DRC8: variants seen among roughly 807,000 people sequenced by gnomAD.
The protein encoded by DRC8 is dynein regulatory complex protein 8.
chr1:244,980,206 G>A, the DRC8 span, among the ~76,000 whole-genome samples: 2 of 141,056 alleles, frequency 1.4e-5, no homozygotes, highest in African/African-American at 2.7e-5. Context: ...GCAACACAGC[G>A]AGACTCCGTC....
the DRC8 span, among the ~76,000 whole-genome samples, chr1:245,099,829 C>CAT: frequency 1 from 152,270 of 152,300 alleles, 76,120 homozygotes; most frequent in Middle Eastern, 1. Flanking sequence ...CTACAATACA[C>CAT]GTTTTTGTAA....
the DRC8 span, among the ~76,000 whole-genome samples, chr1:244,982,808 G>A: frequency 6.6e-6 from 1 of 150,972 alleles, no homozygotes; most frequent in Admixed American, 6.6e-5. Context: ...GGGCTGAGCG[G>A]GCCCAGCACT....
chr1:245,118,315 CAG>C, the DRC8 span, among the ~76,000 whole-genome samples: 1 of 152,184 alleles, frequency 6.6e-6, no homozygotes, highest in Non-Finnish European at 1.5e-5. Context: ...AAGAACAACA[CAG>C]GGACAGGTGC....
the DRC8 span, chr1:244,970,039 GA>G: frequency 1.3e-5 from 8 of 616,978 alleles, no homozygotes; most frequent in Non-Finnish European, 2.3e-5. Flanking sequence ...AGGAGGGGGC[GA>G]GGGGTGTGTG....
At chr1:245,059,058 C>T in the DRC8 span, among the ~76,000 whole-genome samples, 1 of 152,222 alleles carries the variant, frequency 6.6e-6, no homozygotes, top group Non-Finnish European at 1.5e-5. Flanking sequence ...TTATCATCCC[C>T]ATTTTACAGG....
the DRC8 span, among the ~76,000 whole-genome samples, chr1:245,016,293 C>T: frequency 6.6e-6 from 1 of 152,086 alleles, no homozygotes; most frequent in Non-Finnish European, 1.5e-5. Context: ...GGCCTCTTTA[C>T]AATCACCCTC....
At chr1:245,033,594 A>G in the DRC8 span, among the ~76,000 whole-genome samples, 375 of 152,204 alleles carry the variant, frequency 2.5e-3, 3 homozygotes, top group Non-Finnish European at 3.9e-3. Context: ...TGCAATTTGT[A>G]ATTTCACTTC....
chr1:245,101,980 G>A, the DRC8 span, among the ~76,000 whole-genome samples: 1 of 152,170 alleles, frequency 6.6e-6, no homozygotes, highest in Non-Finnish European at 1.5e-5. Flanking sequence ...CACGAGATCA[G>A]GGCCAACAGT....
At chr1:245,016,892 T>TG in the DRC8 span, among the ~76,000 whole-genome samples, 2 of 152,220 alleles carry the variant, frequency 1.3e-5, no homozygotes, top group Non-Finnish European at 2.9e-5. Context: ...GCTACGACTC[T>TG]ACCCAAAGGA....
the DRC8 span, chr1:244,970,587 G>T: frequency 2.0e-6 from 2 of 1,020,600 alleles, no homozygotes; most frequent in Non-Finnish European, 2.7e-6. Flanking sequence ...GGGGCCACCC[G>T]GCAGCAGCAG....
At chr1:245,094,196 C>T in the DRC8 span, among the ~76,000 whole-genome samples, 1 of 152,112 alleles carries the variant, frequency 6.6e-6, no homozygotes, top group African/African-American at 2.4e-5. Flanking sequence ...TCTTCTTTAT[C>T]AAATCCGATT....
chr1:245,084,765 T>G, the DRC8 span, among the ~76,000 whole-genome samples: 1,008 of 152,226 alleles, frequency 6.6e-3, 15 homozygotes, highest in African/African-American at 0.023. Flanking sequence ...GCAAGTGATT[T>G]TGAGTAGGGA....
chr1:245,002,959 T>C, the DRC8 span, among the ~76,000 whole-genome samples: 2 of 152,004 alleles, frequency 1.3e-5, no homozygotes, highest in Non-Finnish European at 2.9e-5. Context: ...ACTTCACATC[T>C]CCCCCTCCTG....
At chr1:244,975,069 T>G in the DRC8 span, among the ~76,000 whole-genome samples, 2 of 152,198 alleles carry the variant, frequency 1.3e-5, no homozygotes, top group Non-Finnish European at 2.9e-5. Context: ...TAGCTGGGAC[T>G]ACAGGTGCCT....
chr1:245,070,686 T>G, the DRC8 span, among the ~76,000 whole-genome samples: 1 of 152,234 alleles, frequency 6.6e-6, no homozygotes, highest in Non-Finnish European at 1.5e-5. Context: ...AATTTTTTCC[T>G]AAATGGTTTT....
chr1:244,975,118 G>C, the DRC8 span, among the ~76,000 whole-genome samples: 1 of 152,042 alleles, frequency 6.6e-6, no homozygotes. Context: ...TTTTAGTAGT[G>C]ATGGGGTTTC....
At chr1:245,112,861 C>T in the DRC8 span, among the ~76,000 whole-genome samples, 1 of 151,518 alleles carries the variant, frequency 6.6e-6, no homozygotes, top group Non-Finnish European at 1.5e-5. Context: ...TCAAGCAGTT[C>T]TCCTGCCTCA....
chr1:245,065,010 G>GT, the DRC8 span, among the ~76,000 whole-genome samples: 10 of 134,048 alleles, frequency 7.5e-5, no homozygotes, highest in Non-Finnish European at 3.3e-5. Flanking sequence ...TCTTTTTTCT[G>GT]TTTTTTGGAA....
At chr1:245,100,395 G>GTAGTAATAATAATAATAATAATAATAA in the DRC8 span, among the ~76,000 whole-genome samples, 4 of 149,250 alleles carry the variant, frequency 2.7e-5, no homozygotes, top group African/African-American at 9.9e-5. Context: ...AAAAGTAGTA[G>GTAGTAATAATAATAATAATAATAATAA]TAATAATAAT....
Sources: gnomAD v4.1 joint callset for allele counts (sites outside exome capture counted in the v4.1 genomes callset) on GRCh38, gnomAD v4.1.1 for gene constraint, MANE v1.5 for transcripts, NCBI Gene and HGNC (gene_info 2026-07-23, HGNC 2026-07-21) for gene names.